Variants in DIAPH3 observed in about 807,000 individuals in gnomAD.
DIAPH3 encodes the protein protein diaphanous homolog 3.
Under a neutral mutation model 144.3 loss-of-function variants are expected in DIAPH3, and 117 were observed. That is an observed-to-expected ratio of 0.81 (90% confidence interval 0.70 to 0.95). DIAPH3 has a LOEUF of 0.95. Ranked by LOEUF, DIAPH3 falls within the 40% of genes least tolerant of loss-of-function variation. The pLI, the probability that DIAPH3 is intolerant of heterozygous loss-of-function variation, is 0.00. For missense variants in DIAPH3, 1,421 were observed against 1,412.7 expected (o/e 1.01, Z -0.09); for synonymous variants, 519 against 488.9 (o/e 1.06, Z -0.81).
At chr13:60,136,505 C>T (rs2138266210) in intron 1 of DIAPH3, among the ~76,000 whole-genome samples, 1 of 144,022 alleles carries the variant, frequency 6.9e-6, no homozygotes, top group African/African-American at 2.5e-5. Flanking sequence ...TAGAAGCATA[C>T]AGTTTTAGAC....
rs916334156 is a variant in DIAPH3, at chr13:60,010,689, A to C, written c.772-20T>G. On this transcript the variant is annotated intron_variant, in intron 7 of 27. Coordinates refer to ENST00000400324, the MANE Select transcript of DIAPH3 (RefSeq NM_001042517.2). ...GCCATACTATAATATTTTGAAAATA[A>C]GAGGTCAAATGTTAGAAATTAGTTA... 4.3e-6 allele frequency: 7 copies of C among 1,611,058 alleles called. No homozygotes were observed. The highest frequency in any genetic ancestry group is 5.9e-6 in the Non-Finnish European group (7 of 1,177,812).
At chr13:59,850,371 T>G (rs1593671323) in intron 22 of DIAPH3, among the ~76,000 whole-genome samples, 1 of 151,252 alleles carries the variant, frequency 6.6e-6, no homozygotes. Flanking sequence ...ATAGGAGCGG[T>G]GAGAGAGGGC....
chr13:60,111,893 G>A lies in DIAPH3; in HGVS notation c.390+117C>T, dbSNP rs1462823945. ...CTTTGTGGCTGAAGTGCTATCTTAA[G>A]TGACATCAGAAATTAGCCTATGGAG... On this transcript the variant is annotated intron_variant, in intron 3 of 27. Coordinates refer to ENST00000400324, the MANE Select transcript of DIAPH3 (RefSeq NM_001042517.2). The A allele has an allele frequency of 3.1e-6, 3 of 977,168 alleles. No homozygotes were observed. In the Admixed American group the frequency reaches 6.3e-5, roughly 20 times the overall value. 60.5% of individuals were successfully genotyped at this position (977,168 alleles called of 1,614,324 possible). A position where few individuals can be genotyped will look rare whatever the true frequency, so the allele number is the denominator to read the frequency against.
intron 17 of DIAPH3, among the ~76,000 whole-genome samples, chr13:59,929,661 C>T (rs1346570139): frequency 2.8e-5 from 4 of 144,474 alleles, no homozygotes; most frequent in Non-Finnish European, 4.5e-5. Flanking sequence ...CTCCCAGGTT[C>T]AAGCAATTCT....
chr13:60,093,074 G>A (rs1001539856), intron 4 of DIAPH3, among the ~76,000 whole-genome samples: 5 of 152,090 alleles, frequency 3.3e-5, no homozygotes, highest in African/African-American at 1.2e-4. Context: ...AATTGATTCT[G>A]TGTGCCAGTC....
At chr13:59,716,968 T>TA (rs1042133250) in intron 27 of DIAPH3, among the ~76,000 whole-genome samples, 2 of 151,924 alleles carry the variant, frequency 1.3e-5, no homozygotes, top group South Asian at 2.1e-4. Context: ...GTAGTAAGAA[T>TA]AAAAAAATCT....
intron 24 of DIAPH3, among the ~76,000 whole-genome samples, chr13:59,824,313 G>A (rs1306247637): frequency 6.6e-6 from 1 of 152,124 alleles, no homozygotes; most frequent in Non-Finnish European, 1.5e-5. Context: ...ATCCCTAAGA[G>A]ATGCAGGCTG....
chr13:60,096,476 G>A (rs1375319875), intron 3 of DIAPH3, among the ~76,000 whole-genome samples: 2 of 152,262 alleles, frequency 1.3e-5, no homozygotes, highest in East Asian at 1.9e-4. Flanking sequence ...GTTAATTTTA[G>A]GTGTGATGGT....
intron 4 of DIAPH3, among the ~76,000 whole-genome samples, chr13:60,044,825 C>T (rs1483857443): frequency 1.3e-5 from 2 of 152,128 alleles, no homozygotes; most frequent in South Asian, 4.1e-4. Context: ...TAGGAGGTAA[C>T]TGAATCATGA....
chr13:59,699,717 T>C (rs986408803), intron 27 of DIAPH3, among the ~76,000 whole-genome samples: 2 of 152,328 alleles, frequency 1.3e-5, no homozygotes, highest in Non-Finnish European at 2.9e-5. Context: ...CTATGGACTG[T>C]TGGAGCTAAA....
chr13:59,763,347 T>C (rs1357260211), intron 27 of DIAPH3, among the ~76,000 whole-genome samples: 5 of 151,926 alleles, frequency 3.3e-5, no homozygotes, highest in African/African-American at 7.3e-5. Flanking sequence ...CACACACACA[T>C]ATGTGTATGC....
At chr13:59,816,879 G>T (rs1020875070) in intron 24 of DIAPH3, among the ~76,000 whole-genome samples, 1 of 151,662 alleles carries the variant, frequency 6.6e-6, no homozygotes, top group African/African-American at 2.4e-5. Flanking sequence ...AGCACATATG[G>T]TATAAATTTA....
In DIAPH3 at chr13:60,154,208, C is replaced by G. The variant is rs1272703272; in HGVS notation, c.180+9379G>C. ...AATTGTACTATTATTACTGTTACTA[C>G]TAATGATAACAAAAACAACAATCCT... On this transcript the variant is annotated intron_variant, in intron 1 of 27. Transcript: ENST00000400324. Among the ~76,000 whole-genome samples the G allele has an allele frequency of 2.0e-5, 3 of 152,122 alleles. No individual in the cohort carries two copies. The East Asian group carries it at 5.8e-4, about 29-fold the overall frequency.
At chr13:59,741,624 G>C (rs2139049620) in intron 27 of DIAPH3, among the ~76,000 whole-genome samples, 1 of 150,752 alleles carries the variant, frequency 6.6e-6, no homozygotes, top group South Asian at 2.1e-4. Context: ...AGCTGAGGTG[G>C]AAGGATTGCT....
chr13:59,758,187 C>G (rs2037385898), intron 27 of DIAPH3, among the ~76,000 whole-genome samples: 1 of 152,070 alleles, frequency 6.6e-6, no homozygotes. Flanking sequence ...ATATGCATAT[C>G]CAACAAAACA....
intron 20 of DIAPH3, among the ~76,000 whole-genome samples, chr13:59,883,584 A>C (rs552028894): frequency 6.6e-6 from 1 of 152,254 alleles, no homozygotes; most frequent in African/African-American, 2.4e-5. Context: ...TAGTTCATCT[A>C]CTTTGTAGAT....
intron 17 of DIAPH3, among the ~76,000 whole-genome samples, chr13:59,951,318 A>T (rs2049084898): frequency 6.6e-6 from 1 of 152,108 alleles, no homozygotes; most frequent in South Asian, 2.1e-4. Context: ...CATGTGAAGG[A>T]CGTGTTTGCT....
At chr13:60,090,389 A>C (rs958769235) in intron 4 of DIAPH3, among the ~76,000 whole-genome samples, 5 of 151,948 alleles carry the variant, frequency 3.3e-5, no homozygotes, top group African/African-American at 4.8e-5. Flanking sequence ...TTTAATTCTA[A>C]AAACCAACCT....
intron 22 of DIAPH3, among the ~76,000 whole-genome samples, chr13:59,851,130 A>T (rs962894818): frequency 4.6e-5 from 7 of 152,086 alleles, no homozygotes; most frequent in African/African-American, 1.7e-4. Context: ...CTCCTCAATA[A>T]AATACTGGCA....
Sources: allele counts gnomAD v4.1 joint callset (sites outside exome capture counted in the v4.1 genomes callset), GRCh38; gene constraint gnomAD v4.1.1; transcripts MANE v1.5; gene names NCBI Gene and HGNC (gene_info 2026-07-23, HGNC 2026-07-21).